PCDH15: variants seen among roughly 807,000 people sequenced by gnomAD.
The protein encoded by PCDH15 is protocadherin-15.
PCDH15 carries 129 observed loss-of-function variants against 178.5 expected under a neutral mutation model. That is an observed-to-expected ratio of 0.72 (90% confidence interval 0.63 to 0.84). The LOEUF (loss-of-function observed/expected upper bound fraction) is 0.84. Among genes scored for constraint, PCDH15 ranks in the 40% least tolerant of loss-of-function variants. The probability of loss-of-function intolerance (pLI) is 0.00; values close to 1 mark genes in which losing one functional copy is unlikely to be tolerated. For missense variants in PCDH15, 2,230 were observed against 2,099.9 expected (o/e 1.06, Z -1.21); for synonymous variants, 800 against 732.0 (o/e 1.09, Z -1.50).
intron 2 of PCDH15, among the ~76,000 whole-genome samples, chr10:55,026,151 A>G (rs1294469278): frequency 6.6e-6 from 1 of 151,992 alleles, no homozygotes. Flanking sequence ...ATTTTCCACA[A>G]ATGGAAGACA....
chr10:53,881,507 A>G (rs751136111), intron 26 of PCDH15, among the ~76,000 whole-genome samples: 9 of 152,222 alleles, frequency 5.9e-5, no homozygotes, highest in Non-Finnish European at 1.3e-4. Flanking sequence ...GCAGAAAGTA[A>G]TTGAGCATGA....
At chr10:54,889,611 C>G (rs959971504) in intron 3 of PCDH15, among the ~76,000 whole-genome samples, 2 of 150,628 alleles carry the variant, frequency 1.3e-5, no homozygotes, top group Non-Finnish European at 3.0e-5. Context: ...ATGAAAAAGT[C>G]TTCTTGGTCT....
intron 2 of PCDH15, among the ~76,000 whole-genome samples, chr10:55,608,387 G>T (rs181201797): frequency 1.6e-4 from 25 of 151,562 alleles, no homozygotes; most frequent in African/African-American, 5.8e-4. Context: ...AATGATCTGT[G>T]TTCCAGGACT....
intron 1 of PCDH15, among the ~76,000 whole-genome samples, chr10:55,232,753 T>C (rs1841262065): frequency 6.6e-6 from 1 of 152,064 alleles, no homozygotes; most frequent in African/African-American, 2.4e-5. Flanking sequence ...CTGCCTCCAC[T>C]TAGTAGCAAG....
At chr10:54,289,067 G>T (rs537077065) in intron 8 of PCDH15, among the ~76,000 whole-genome samples, 141 of 152,308 alleles carry the variant, frequency 9.3e-4, no homozygotes, top group African/African-American at 3.3e-3. Flanking sequence ...TCCTCAAGTG[G>T]GTCCCTGACC....
At chr10:53,982,126 T>C (rs975274942) in intron 21 of PCDH15, among the ~76,000 whole-genome samples, 4 of 152,032 alleles carry the variant, frequency 2.6e-5, no homozygotes, top group African/African-American at 4.8e-5. Context: ...TGAGATACCA[T>C]CTCACACCAG....
At chr10:54,103,813 G>T (rs1274924510) in intron 15 of PCDH15, among the ~76,000 whole-genome samples, 1 of 152,058 alleles carries the variant, frequency 6.6e-6, no homozygotes, top group East Asian at 1.9e-4. Flanking sequence ...GGTGGGCCCA[G>T]ATCAATAAAT....
At chr10:54,643,728 T>C (rs1017961984) in intron 2 of PCDH15, among the ~76,000 whole-genome samples, 9 of 151,644 alleles carry the variant, frequency 5.9e-5, no homozygotes, top group Non-Finnish European at 1.5e-5. Flanking sequence ...TCTGGGCTTT[T>C]AAATCACATA....
At chr10:55,249,764 T>C (rs1053692114) in intron 1 of PCDH15, among the ~76,000 whole-genome samples, 1 of 152,024 alleles carries the variant, frequency 6.6e-6, no homozygotes, top group Non-Finnish European at 1.5e-5. Flanking sequence ...TGTCATGTAA[T>C]TATATATGTA....
intron 2 of PCDH15, among the ~76,000 whole-genome samples, chr10:55,440,998 G>T (rs1455519527): frequency 6.6e-6 from 1 of 152,110 alleles, no homozygotes; most frequent in Non-Finnish European, 1.5e-5. Flanking sequence ...ATTTCCCACT[G>T]GGTCCCTCCA....
intron 21 of PCDH15, among the ~76,000 whole-genome samples, chr10:53,991,772 A>G (rs2091502654): frequency 6.6e-6 from 1 of 152,014 alleles, no homozygotes; most frequent in African/African-American, 2.4e-5. Context: ...AAATACCCCA[A>G]TCAGCACTCT....
At chr10:53,845,558 A>G (rs1370925777) in intron 28 of PCDH15, among the ~76,000 whole-genome samples, 5 of 151,924 alleles carry the variant, frequency 3.3e-5, no homozygotes, top group Admixed American at 3.3e-4. Context: ...AAAAGAACAA[A>G]ATCCTGTCAT....
chr10:54,001,745 G>A (rs557705483), intron 20 of PCDH15, among the ~76,000 whole-genome samples: 1 of 151,810 alleles, frequency 6.6e-6, no homozygotes, highest in South Asian at 2.1e-4. Flanking sequence ...GAATGTAAAG[G>A]GATTAAGCTC....
chr10:55,301,340 C>CG (rs1342832278), intron 1 of PCDH15, among the ~76,000 whole-genome samples: 1 of 152,100 alleles, frequency 6.6e-6, no homozygotes, highest in Non-Finnish European at 1.5e-5. Context: ...TTTTCACTTG[C>CG]ATTTCCTTAA....
chr10:53,822,254 A>G lies in PCDH15; in HGVS notation c.4368-2024T>C, dbSNP rs2132487334. 1 of 1,613,920 alleles carries G rather than the reference A, an allele frequency of 6.2e-7. No individual in the cohort carries two copies. The highest frequency in any genetic ancestry group is 8.5e-7 in the Non-Finnish European group (1 of 1,179,934). On this transcript the variant is annotated intron_variant, in intron 32 of 37. Transcript: ENST00000644397. ...CTGAAGGAGGTGGAGGGCAAGGAAT[A>G]GAAGGAGGTGGTGGAGGAAGAGGAG...
chr10:54,454,224 C>A lies in PCDH15; in HGVS notation c.157+73588G>T, dbSNP rs2076668627. On this transcript the variant is annotated intron_variant, in intron 3 of 37. Transcript: ENST00000644397. The stretch of plus-strand genomic sequence containing the variant: ...ATTACTAAAATTTTTTCTATAGGCT[C>A]TCAATAAGGCAAATACACAATGACC... 2.7e-5 allele frequency among the ~76,000 whole-genome samples: 4 copies of A among 148,812 alleles called. No homozygotes were observed. In the South Asian group the frequency reaches 6.3e-4, roughly 23 times the overall value.
intron 2 of PCDH15, among the ~76,000 whole-genome samples, chr10:55,433,686 TG>T (rs1838947648): frequency 6.4e-5 from 4 of 62,330 alleles, no homozygotes; most frequent in Non-Finnish European, 1.4e-4. Flanking sequence ...TTCATTTTTA[TG>T]ATTTATAATT....
chr10:54,652,291 T>A (rs1032782238), intron 2 of PCDH15, among the ~76,000 whole-genome samples: 5 of 152,164 alleles, frequency 3.3e-5, no homozygotes, highest in Non-Finnish European at 5.9e-5. Flanking sequence ...ATCCTGAGAC[T>A]CAGCTGGAGT....
At chr10:54,885,105 A>G (rs571187692) in intron 3 of PCDH15, among the ~76,000 whole-genome samples, 20 of 152,194 alleles carry the variant, frequency 1.3e-4, no homozygotes, top group African/African-American at 4.8e-4. Flanking sequence ...CCAGCAACCG[A>G]TACAATAAAT....
Sources: allele counts gnomAD v4.1 joint callset (sites outside exome capture counted in the v4.1 genomes callset), GRCh38; gene constraint gnomAD v4.1.1; transcripts MANE v1.5; gene names NCBI Gene and HGNC (gene_info 2026-07-23, HGNC 2026-07-21).